Variants in EMILIN2 observed in about 807,000 individuals in gnomAD.
The protein encoded by EMILIN2 is elastin microfibril interfacer 2, also known as EMILIN-2.
EMILIN2 carries 71 observed loss-of-function variants against 87.1 expected under a neutral mutation model. The ratio of observed to expected loss-of-function variants is 0.82; its 90% CI spans 0.67 to 0.99. The LOEUF (loss-of-function observed/expected upper bound fraction) is 0.99, where lower values mean the gene tolerates loss of function less well. EMILIN2 is among the 50% of genes least tolerant of loss of function. EMILIN2 has a pLI of 0.00. For missense variants in EMILIN2, 1,407 were observed against 1,371.8 expected (o/e 1.03, Z -0.40); for synonymous variants, 581 against 563.4 (o/e 1.03, Z -0.44).
In EMILIN2 at chr18:2,891,558, C is replaced by T. The variant is rs748210111; in HGVS notation, c.1431C>T (p.Gly477=). ...HCFYIEETLR[G]AINGEVGDLK... ...TTTACATTGAGGAAACCCTTCGGGG[C>T]GCCATTAATGGAGAGGTGGGTGACT... The change falls in exon 4 of 8, where the codon GGC becomes GGT. Residue 477 remains glycine, a synonymous_variant. Coordinates refer to ENST00000254528, the MANE Select transcript of EMILIN2 (RefSeq NM_032048.3). This position sits in a 1 kb window ranked among gnomAD's most constrained non-coding sequence, Gnocchi z 4.6. 91 of 1,613,972 alleles carry T rather than the reference C, an allele frequency of 5.6e-5. No individual in the cohort carries two copies. Among genetic ancestry groups the T allele is most frequent in the South Asian group, 3.4e-4 (31 of 91,092 alleles).
chr18:2,886,737 C>A (rs2076805254), intron 3 of EMILIN2, among the ~76,000 whole-genome samples: 1 of 152,178 alleles, frequency 6.6e-6, no homozygotes, highest in Non-Finnish European at 1.5e-5. Flanking sequence ...CTTTTTGATT[C>A]CTTACAGTTA....
Position 2,915,192 on chromosome 18 carries a change from C to G in EMILIN2, c.*1788C>G, listed in dbSNP as rs1258142207. Reference sequence around the variant, plus strand: ...CTGGAACATCGGGTAAAACCCAGTCCTCCTCTCAGTGCATCTCTACTCACC... The same window carrying G: ...CTGGAACATCGGGTAAAACCCAGTCGTCCTCTCAGTGCATCTCTACTCACC... On this transcript the variant is annotated 3_prime_UTR_variant, in exon 8 of 8. Transcript: ENST00000254528. 6.6e-6 allele frequency: 1 copy of G among 152,270 alleles called. No homozygotes were observed. The highest frequency in any genetic ancestry group is 1.9e-4 in the East Asian group (1 of 5,196). The allele number at this position is 152,270 out of a possible 1,614,324, so 9.4% of individuals were successfully genotyped here. A position where few individuals can be genotyped will look rare whatever the true frequency, so the allele number is the denominator to read the frequency against.
In EMILIN2 at chr18:2,894,091, C is replaced by A. The variant is rs2076852269; in HGVS notation, c.2359+1605C>A. Among the ~76,000 whole-genome samples the A allele has an allele frequency of 2.0e-5, 3 of 152,152 alleles. No individual in the cohort carries two copies. Among genetic ancestry groups the A allele is most frequent in the Admixed American group, 6.5e-5 (1 of 15,268 alleles). On this transcript the variant is annotated intron_variant, in intron 4 of 7. Coordinates refer to ENST00000254528, the MANE Select transcript of EMILIN2 (RefSeq NM_032048.3). The surrounding 1 kb of genome is among the most constrained non-coding windows in gnomAD (Gnocchi z 5.0). ...GTGACACAGGCCCTTGCACAAGGAACTGAGATTTCATGGCCTCTGTGAACC... is the reference window on the plus strand; with the variant it reads ...GTGACACAGGCCCTTGCACAAGGAAATGAGATTTCATGGCCTCTGTGAACC...
chr18:2,882,747 G>A (rs764939211), intron 2 of EMILIN2, among the ~76,000 whole-genome samples: 1 of 152,168 alleles, frequency 6.6e-6, no homozygotes, highest in Non-Finnish European at 1.5e-5. Context: ...ACCAGGCATG[G>A]TGGTGGGTGC....
At chr18:2,879,174 G>A (rs750445751) in intron 2 of EMILIN2, among the ~76,000 whole-genome samples, 10 of 152,236 alleles carry the variant, frequency 6.6e-5, no homozygotes, top group South Asian at 2.1e-4. Context: ...GAACAGATGC[G>A]CGCCTGCTGC....
In EMILIN2 at chr18:2,892,100, C is replaced by A. The variant is rs1163132339; in HGVS notation, c.1973C>A (p.Ser658Tyr). The A allele has an allele frequency of 3.7e-6, 6 of 1,612,972 alleles. No individual in the cohort carries two copies. The highest frequency in any genetic ancestry group is 2.2e-5 in the South Asian group (2 of 90,990). The change falls in exon 4 of 8, where the codon TCC (serine) becomes TAC (tyrosine). Residue 658 changes from serine to tyrosine, a missense_variant. Physicochemically the swap from Ser to Tyr is moderately radical, Grantham distance 144. Transcript: ENST00000254528. ...EQERTVDTLP[S>Y]PQHPVAHCCS... ...GAAAGGACAGTGGACACCCTGCCGT[C>A]CCCCCAGCACCCCGTGGCTCATTGC...
intron 2 of EMILIN2, among the ~76,000 whole-genome samples, chr18:2,861,388 C>T (rs2076660270): frequency 6.6e-6 from 1 of 152,150 alleles, no homozygotes; most frequent in Admixed American, 6.5e-5. Context: ...AGTCTTTAAT[C>T]CATCTTGAAT....
chr18:2,858,569 A>ATATATATATATATGTG (rs1305555851), intron 2 of EMILIN2, among the ~76,000 whole-genome samples: 5 of 55,366 alleles, frequency 9.0e-5, no homozygotes, highest in Admixed American at 2.4e-4. Flanking sequence ...ATATATATAT[A>ATATATATATATATGTG]TGTGTGTGTG....
intron 4 of EMILIN2, among the ~76,000 whole-genome samples, chr18:2,899,944 G>C (rs1373195444): frequency 6.6e-6 from 1 of 152,228 alleles, no homozygotes; most frequent in Non-Finnish European, 1.5e-5. Flanking sequence ...TAGCACACAT[G>C]ACTAAAGCTG....
intron 2 of EMILIN2, among the ~76,000 whole-genome samples, chr18:2,852,711 G>T (rs2076607469): frequency 1.3e-5 from 2 of 152,116 alleles, no homozygotes; most frequent in Non-Finnish European, 2.9e-5. Context: ...TAGACACAGG[G>T]TTTCACCATG....
chr18:2,879,099 G>A (rs962717713), intron 2 of EMILIN2, among the ~76,000 whole-genome samples: 5 of 152,124 alleles, frequency 3.3e-5, no homozygotes, highest in Admixed American at 6.5e-5. Flanking sequence ...GATTCCATTC[G>A]TAGGTCTGGA....
In EMILIN2 at chr18:2,906,839, C is replaced by A; in HGVS notation, c.2416C>A (p.Pro806Thr). 1 of 1,342,968 alleles carries A rather than the reference C, an allele frequency of 7.4e-7. No individual in the cohort carries two copies. Among genetic ancestry groups the A allele is most frequent in the Non-Finnish European group, 9.5e-7 (1 of 1,048,906 alleles). The allele number at this position is 1,342,968 out of a possible 1,614,324, so 83.2% of individuals were successfully genotyped here. A position where few individuals can be genotyped will look rare whatever the true frequency, so the allele number is the denominator to read the frequency against. Residue 806 changes from proline (P) to threonine (T), a missense_variant, in exon 5 of 8, where the codon CCC becomes ACC. Physicochemically the swap from Pro to Thr is conservative, Grantham distance 38. Transcript: ENST00000254528. ...CCCGAAGGAGCCGCTGCAGCCCGAG[C>A]CCGCCCCGCCGAGGCCCAGCGGCCC... ...EAPKEPLQPE[P>T]APPRPSGPAT...
At chr18:2,874,432 C>A (rs551585772) in intron 2 of EMILIN2, among the ~76,000 whole-genome samples, 14 of 152,146 alleles carry the variant, frequency 9.2e-5, no homozygotes, top group Non-Finnish European at 1.9e-4. Flanking sequence ...CATGCGGTGA[C>A]ATACAGAATG....
intron 7 of EMILIN2, among the ~76,000 whole-genome samples, chr18:2,911,604 T>C (rs913835701): frequency 6.6e-6 from 1 of 152,172 alleles, no homozygotes; most frequent in African/African-American, 2.4e-5. Flanking sequence ...CTGACATTCC[T>C]AGTTGGGGTA....
At chr18:2,849,553 C>A (rs2076592983) in intron 2 of EMILIN2, among the ~76,000 whole-genome samples, 1 of 152,174 alleles carries the variant, frequency 6.6e-6, no homozygotes, top group South Asian at 2.1e-4. Flanking sequence ...TGAATCGCCT[C>A]CAGATTGGCA....
rs1158134501 is a variant in EMILIN2, at chr18:2,892,242, G to C, written c.2115G>C (p.Arg705Ser). 6.2e-7 allele frequency: 1 copy of C among 1,612,632 alleles called. No individual in the cohort carries two copies. The highest frequency in any genetic ancestry group is 1.3e-5 in the African/African-American group (1 of 74,884). Reference sequence around the variant, plus strand: ...GGGAGGTCTCCATGGTGGAGGGCAGGGTGTCTCATATGGAGAAAACTTGCA... The same window carrying C: ...GGGAGGTCTCCATGGTGGAGGGCAGCGTGTCTCATATGGAGAAAACTTGCA... Reference protein sequence around the residue: ...VQREVSMVEGRVSHMEKTCSK... With the variant: ...VQREVSMVEGSVSHMEKTCSK... The change falls in exon 4 of 8, where the codon AGG becomes AGC. Residue 705 changes from arginine to serine, a missense_variant. Arg to Ser is a moderately radical substitution (Grantham distance 110, BLOSUM62 -1). Coordinates refer to ENST00000254528, the MANE Select transcript of EMILIN2 (RefSeq NM_032048.3).
intron 2 of EMILIN2, among the ~76,000 whole-genome samples, chr18:2,860,700 A>C (rs1472001302): frequency 6.6e-6 from 1 of 152,286 alleles, no homozygotes; most frequent in Middle Eastern, 3.4e-3. Context: ...ATAAACATAC[A>C]TGTGCATGTG....
chr18:2,869,577 T>C (rs1281612301), intron 2 of EMILIN2, among the ~76,000 whole-genome samples: 1 of 152,190 alleles, frequency 6.6e-6, no homozygotes, highest in Non-Finnish European at 1.5e-5. Context: ...TGAGATTCAT[T>C]CATGTTGTAG....
chr18:2,884,857 A>G, intron 2 of EMILIN2, 107 bp from the exon 3 acceptor site: 1 of 1,198,296 alleles, frequency 8.3e-7, no homozygotes, highest in Non-Finnish European at 1.1e-6. Flanking sequence ...CAGCCTGGAG[A>G]GCAGGCAGGG....
Sources: allele counts gnomAD v4.1 joint callset (sites outside exome capture counted in the v4.1 genomes callset), GRCh38; gene constraint gnomAD v4.1.1; non-coding constraint Gnocchi (gnomAD v3.1); transcripts MANE v1.5; gene names NCBI Gene and HGNC (gene_info 2026-07-23, HGNC 2026-07-21).